Variants in CFAP299 observed in about 807,000 individuals in gnomAD.
CFAP299 encodes the protein cilia and flagella associated protein 299.
Under a neutral mutation model 27.0 loss-of-function variants are expected in CFAP299, and 21 were observed. The ratio of observed to expected loss-of-function variants is 0.78; its 90% CI spans 0.55 to 1.12. The LOEUF is 1.12. Among genes scored for constraint, CFAP299 ranks in the 50% most tolerant of loss-of-function variants. CFAP299 has a pLI of 0.00. For synonymous variants in CFAP299, 104 were observed against 98.1 expected (o/e 1.06, Z -0.36); for missense variants, 310 against 276.6 (o/e 1.12, Z -0.86).
chr4:80,630,904 A>G (rs1183694365), intron 3 of CFAP299, among the ~76,000 whole-genome samples: 1 of 152,096 alleles, frequency 6.6e-6, no homozygotes, highest in East Asian at 1.9e-4. Context: ...TTAGAAATTA[A>G]TTAGGATTTA....
chr4:80,515,525 C>G (rs1264350422), intron 2 of CFAP299, among the ~76,000 whole-genome samples: 4 of 152,124 alleles, frequency 2.6e-5, no homozygotes, highest in Admixed American at 2.6e-4. Flanking sequence ...ATTGCTTTTT[C>G]TGTTCAGAAC....
At chr4:80,719,239 A>G (rs1722678555) in intron 3 of CFAP299, among the ~76,000 whole-genome samples, 1 of 152,168 alleles carries the variant, frequency 6.6e-6, no homozygotes, top group Non-Finnish European at 1.5e-5. Flanking sequence ...AACCCCCATG[A>G]CATGAGTTAA....
At chr4:80,531,440 A>C (rs962808134) in intron 2 of CFAP299, among the ~76,000 whole-genome samples, 1 of 152,178 alleles carries the variant, frequency 6.6e-6, no homozygotes. Flanking sequence ...TGGTTCAAAA[A>C]TGTGTTTTTC....
chr4:80,855,830 A>C (rs1007246884), intron 3 of CFAP299, among the ~76,000 whole-genome samples: 14 of 151,930 alleles, frequency 9.2e-5, no homozygotes, highest in African/African-American at 3.4e-4. Context: ...GGTTGGTTCC[A>C]AGTCTTTGCT....
intron 2 of CFAP299, among the ~76,000 whole-genome samples, chr4:80,453,643 C>A (rs902944218): frequency 6.6e-6 from 1 of 151,802 alleles, no homozygotes; most frequent in Admixed American, 6.6e-5. Context: ...GAGTTCGAGA[C>A]CAGCCTGGCC....
intron 3 of CFAP299, among the ~76,000 whole-genome samples, chr4:80,868,897 TTCTC>T (rs71664822): frequency 1.4e-5 from 2 of 141,334 alleles, no homozygotes; most frequent in Middle Eastern, 3.6e-3. Context: ...GGGTGGGGGC[TTCTC>T]TCTCTGTGTG....
intron 4 of CFAP299, chr4:80,871,179 T>C: frequency 1.0e-6 from 1 of 981,464 alleles, no homozygotes; most frequent in Non-Finnish European, 1.2e-6. Context: ...AGTGCTGGGA[T>C]TACAGGCGTC....
chr4:80,906,389 T>C (rs1735188208), intron 4 of CFAP299, among the ~76,000 whole-genome samples: 1 of 152,210 alleles, frequency 6.6e-6, no homozygotes, highest in Non-Finnish European at 1.5e-5. Context: ...TCCAGGTGCA[T>C]GGTGCAAGCT....
intron 3 of CFAP299, among the ~76,000 whole-genome samples, chr4:80,661,829 C>A (rs370901417): frequency 1.3e-5 from 2 of 152,138 alleles, no homozygotes; most frequent in East Asian, 3.9e-4. Flanking sequence ...TTCTTTTTCT[C>A]AGCAAGGAAC....
chr4:80,905,258 A>G (rs1423467323), intron 4 of CFAP299, among the ~76,000 whole-genome samples: 1 of 152,190 alleles, frequency 6.6e-6, no homozygotes, highest in South Asian at 2.1e-4. Context: ...TGACCACTCC[A>G]GTCCATCAAG....
intron 3 of CFAP299, among the ~76,000 whole-genome samples, chr4:80,771,690 G>T (rs1726225944): frequency 6.6e-6 from 1 of 152,124 alleles, no homozygotes; most frequent in Non-Finnish European, 1.5e-5. Context: ...TATTGCTCAG[G>T]CATCTTAAAT....
intron 3 of CFAP299, among the ~76,000 whole-genome samples, chr4:80,748,821 A>T (rs1724761942): frequency 6.6e-6 from 1 of 152,150 alleles, no homozygotes; most frequent in Non-Finnish European, 1.5e-5. Flanking sequence ...ATTTGTTCTG[A>T]TCATTTGCCC....
At chr4:80,651,704 TTGTGTGTGTGTGTG>T (rs34460418) in intron 3 of CFAP299, among the ~76,000 whole-genome samples, 2 of 139,548 alleles carry the variant, frequency 1.4e-5, no homozygotes, top group South Asian at 2.4e-4. Flanking sequence ...AGGTATGCAC[TTGTGTGTGTGTGTG>T]TGTGTGTGTG....
chr4:80,823,149 C>T (rs1038459590), intron 3 of CFAP299, among the ~76,000 whole-genome samples: 2 of 152,148 alleles, frequency 1.3e-5, no homozygotes, highest in Non-Finnish European at 2.9e-5. Flanking sequence ...AACCTAAACA[C>T]ATGCCCTTGG....
chr4:80,555,152 T>A (rs1578592334), intron 2 of CFAP299, among the ~76,000 whole-genome samples: 1 of 152,318 alleles, frequency 6.6e-6, no homozygotes, highest in East Asian at 1.9e-4. Context: ...TAGATGGCTC[T>A]TGTTATTTTG....
intron 3 of CFAP299, among the ~76,000 whole-genome samples, chr4:80,752,058 G>A (rs1724962904): frequency 6.6e-6 from 1 of 152,052 alleles, no homozygotes; most frequent in South Asian, 2.1e-4. Context: ...GGCTCACAAG[G>A]GGATCTCCTG....
At chr4:80,649,673 A>G (rs1453372552) in intron 3 of CFAP299, among the ~76,000 whole-genome samples, 2 of 152,174 alleles carry the variant, frequency 1.3e-5, no homozygotes, top group Non-Finnish European at 2.9e-5. Context: ...TAAAAAATTA[A>G]TAAACTTTTA....
chr4:80,534,328 A>G (rs1053288886), intron 2 of CFAP299, among the ~76,000 whole-genome samples: 1 of 151,490 alleles, frequency 6.6e-6, no homozygotes, highest in African/African-American at 2.4e-5. Context: ...AAAAAAAAAA[A>G]AAAACAACCA....
intron 5 of CFAP299, among the ~76,000 whole-genome samples, chr4:80,952,519 T>G (rs1737836181): frequency 6.6e-6 from 1 of 152,136 alleles, no homozygotes. Flanking sequence ...GGTGCATGGG[T>G]AAATGAGAGT....
Sources: allele counts gnomAD v4.1 joint callset (sites outside exome capture counted in the v4.1 genomes callset), GRCh38; gene constraint gnomAD v4.1.1; transcripts MANE v1.5; gene names NCBI Gene and HGNC (gene_info 2026-07-23, HGNC 2026-07-21).